STARD13: variants seen among roughly 807,000 people sequenced by gnomAD.
The protein encoded by STARD13 is StAR related lipid transfer domain containing 13, also known as stAR-related lipid transfer protein 13.
Under a neutral mutation model 106.4 loss-of-function variants are expected in STARD13, and 62 were observed. That is an observed-to-expected ratio of 0.58 (90% CI 0.48 to 0.72). The LOEUF (loss-of-function observed/expected upper bound fraction) is 0.72. Among genes scored for constraint, STARD13 ranks in the 30% least tolerant of loss-of-function variants. The pLI, the probability that STARD13 is intolerant of heterozygous loss-of-function variation, is 0.00. For synonymous variants in STARD13, 565 were observed against 553.0 expected (o/e 1.02, Z -0.31); for missense variants, 1,387 against 1,424.0 (o/e 0.97, Z 0.42).
the STARD13 span, among the ~76,000 whole-genome samples, chr13:33,630,558 C>A: frequency 5.3e-5 from 8 of 152,318 alleles, no homozygotes; most frequent in South Asian, 1.7e-3. Context: ...AGGCTCTGAA[C>A]CACATTTCAC....
At chr13:33,529,368 G>C in the STARD13 span, among the ~76,000 whole-genome samples, 1 of 152,108 alleles carries the variant, frequency 6.6e-6, no homozygotes, top group Non-Finnish European at 1.5e-5. Flanking sequence ...GTAGTTTCAT[G>C]CCTTTATTTT....
the STARD13 span, among the ~76,000 whole-genome samples, chr13:33,673,127 T>G: frequency 6.6e-6 from 1 of 152,240 alleles, no homozygotes; most frequent in Non-Finnish European, 1.5e-5. Context: ...TTGTGCTGAT[T>G]GATTCTCAAG....
chr13:33,200,945 G>T (rs1886984765), intron 1 of STARD13, among the ~76,000 whole-genome samples: 1 of 152,114 alleles, frequency 6.6e-6, no homozygotes, highest in Non-Finnish European at 1.5e-5. Context: ...AGAATGGCGT[G>T]AACCCAGGAG....
intron 1 of STARD13, chr13:33,206,199 G>C (rs1180771602): frequency 1.2e-5 from 2 of 169,618 alleles, no homozygotes; most frequent in South Asian, 3.9e-4. Flanking sequence ...ACCAAGGGGG[G>C]TGCTCCTTCT....
At chr13:33,325,739 A>G (rs960309915) in intron 1 of STARD13, among the ~76,000 whole-genome samples, 5 of 152,146 alleles carry the variant, frequency 3.3e-5, no homozygotes, top group Non-Finnish European at 7.4e-5. Context: ...TCACGCCTGT[A>G]ATCCCAGCAC....
At chr13:33,214,232 T>A (rs1017041820) in intron 1 of STARD13, among the ~76,000 whole-genome samples, 3 of 152,202 alleles carry the variant, frequency 2.0e-5, no homozygotes, top group African/African-American at 7.2e-5. Context: ...AAAAGCACAT[T>A]CTTCATTTTT....
chr13:33,477,633 A>G, the STARD13 span, among the ~76,000 whole-genome samples: 1 of 152,208 alleles, frequency 6.6e-6, no homozygotes, highest in African/African-American at 2.4e-5. Context: ...TTCCTTTTGG[A>G]GTCTAGACAC....
chr13:33,435,873 T>A, the STARD13 span, among the ~76,000 whole-genome samples: 115 of 152,344 alleles, frequency 7.5e-4, 3 homozygotes, highest in East Asian at 0.013. Context: ...GGCTCAGATA[T>A]TTGTCACTAC....
chr13:33,294,739 C>T (rs1892422792), intron 1 of STARD13, among the ~76,000 whole-genome samples: 1 of 152,140 alleles, frequency 6.6e-6, no homozygotes, highest in Non-Finnish European at 1.5e-5. Flanking sequence ...TTTGTCTGCA[C>T]TTAGAGGATT....
the STARD13 span, among the ~76,000 whole-genome samples, chr13:33,505,496 AAATAT>A: frequency 6.6e-6 from 1 of 152,176 alleles, no homozygotes; most frequent in Non-Finnish European, 1.5e-5. Context: ...CACAGATATA[AAATAT>A]AATACCAAAA....
chr13:33,359,308 G>A, the STARD13 span, among the ~76,000 whole-genome samples: 2 of 151,810 alleles, frequency 1.3e-5, no homozygotes, highest in African/African-American at 2.4e-5. Context: ...CTCCAGACGC[G>A]CTGCCTTAAG....
chr13:33,664,001 A>G, the STARD13 span, among the ~76,000 whole-genome samples: 1 of 152,136 alleles, frequency 6.6e-6, no homozygotes, highest in African/African-American at 2.4e-5. Flanking sequence ...AAGCATCCAA[A>G]TGCTTCCTCT....
chr13:33,147,702 A>C (rs1175561394), intron 3 of STARD13, among the ~76,000 whole-genome samples: 1 of 152,190 alleles, frequency 6.6e-6, no homozygotes, highest in Non-Finnish European at 1.5e-5. Context: ...AAAAAACCAA[A>C]ACAGTGGATA....
At chr13:33,380,575 T>C in the STARD13 span, among the ~76,000 whole-genome samples, 1 of 148,498 alleles carries the variant, frequency 6.7e-6, no homozygotes, top group African/African-American at 2.5e-5. Flanking sequence ...GGGAACTGTC[T>C]CTGCCCTGGC....
chr13:33,129,182 C>G lies in STARD13; in HGVS notation c.1495G>C (p.Val499Leu), dbSNP rs1243127379. Reference protein sequence around the residue: ...ILQHVNGLQEVVDDWSKDVLP... With the variant: ...ILQHVNGLQELVDDWSKDVLP... The stretch of plus-strand genomic sequence containing the variant: ...ACATCTTTGGACCAGTCATCGACTA[C>G]CTCTTGGAGCCCATTGACATGCTGC... Residue 499 changes from valine (V) to leucine (L), a missense_variant, in exon 5 of 14, where the codon GTA becomes CTA. Transcript: ENST00000336934. The G allele has an allele frequency of 6.2e-7, 1 of 1,614,210 alleles. No individual in the cohort carries two copies. Among genetic ancestry groups the G allele is most frequent in the Non-Finnish European group, 8.5e-7 (1 of 1,180,040 alleles).
chr13:33,392,456 G>A, the STARD13 span, among the ~76,000 whole-genome samples: 1 of 152,242 alleles, frequency 6.6e-6, no homozygotes, highest in Middle Eastern at 3.4e-3. Context: ...CTGGAGTGCA[G>A]TGGCGCTATC....
downstream of STARD13, among the ~76,000 whole-genome samples, chr13:33,345,814 C>T (rs183925021): frequency 6.6e-6 from 1 of 152,070 alleles, no homozygotes; most frequent in African/African-American, 2.4e-5. Context: ...CTGTGACCTA[C>T]GTTAAGAAAT....
chr13:33,269,363 GC>G (rs1006886509), intron 1 of STARD13, among the ~76,000 whole-genome samples: 92 of 152,334 alleles, frequency 6.0e-4, no homozygotes, highest in Middle Eastern at 3.4e-3. Context: ...AGACTTTCCA[GC>G]TCAGGCTGTG....
chr13:33,621,202 T>G, the STARD13 span, among the ~76,000 whole-genome samples: 1 of 151,666 alleles, frequency 6.6e-6, no homozygotes, highest in East Asian at 1.9e-4. Flanking sequence ...ATAATAAAAT[T>G]GGTAAGCACT....
Sources: gnomAD v4.1 joint callset for allele counts (sites outside exome capture counted in the v4.1 genomes callset) on GRCh38, gnomAD v4.1.1 for gene constraint, MANE v1.5 for transcripts, NCBI Gene and HGNC (gene_info 2026-07-23, HGNC 2026-07-21) for gene names.